ERC1: variants seen among roughly 807,000 people sequenced by gnomAD.
ERC1 encodes ELKS/RAB6-interacting/CAST family member 1, also known as RAB6 interacting protein 2.
Under a neutral mutation model 132.0 loss-of-function variants are expected in ERC1, and 56 were observed. The observed-to-expected ratio is 0.42, with a 90% CI of 0.34 to 0.53. The LOEUF is 0.53. ERC1 is among the 20% of genes least tolerant of loss of function. ERC1 has a pLI of 0.03. For missense variants in ERC1, 1,202 were observed against 1,349.9 expected (o/e 0.89, Z 1.72); for synonymous variants, 478 against 476.1 (o/e 1.00, Z -0.05).
chr12:1,046,139 A>T (rs1255025316), intron 2 of ERC1, among the ~76,000 whole-genome samples: 1 of 152,214 alleles, frequency 6.6e-6, no homozygotes, highest in East Asian at 1.9e-4. Flanking sequence ...TTAAAAAGTG[A>T]TACATGACTA....
chr12:1,253,871 C>T (rs992060681), intron 13 of ERC1, among the ~76,000 whole-genome samples: 1 of 152,110 alleles, frequency 6.6e-6, no homozygotes, highest in Non-Finnish European at 1.5e-5. Flanking sequence ...CCAACTTCTG[C>T]CCTAGTCTCT....
At chr12:1,319,277 C>A (rs1442416027) in intron 15 of ERC1, among the ~76,000 whole-genome samples, 5 of 152,076 alleles carry the variant, frequency 3.3e-5, no homozygotes. Context: ...TTTAATTCAT[C>A]CCTTATTATA....
At chr12:1,488,074 G>C (rs978033367) in intron 18 of ERC1, among the ~76,000 whole-genome samples, 7 of 150,980 alleles carry the variant, frequency 4.6e-5, no homozygotes, top group African/African-American at 1.5e-4. Context: ...GGAGGCGGAG[G>C]TTGCAGTGAG....
chr12:1,340,288 G>A (rs1195257730), intron 15 of ERC1, among the ~76,000 whole-genome samples: 2 of 152,132 alleles, frequency 1.3e-5, no homozygotes, highest in Non-Finnish European at 2.9e-5. Context: ...AGGTCTTGCA[G>A]AGGTTAGGTC....
intron 3 of ERC1, among the ~76,000 whole-genome samples, chr12:1,099,172 G>A (rs1944385843): frequency 2.6e-5 from 4 of 152,108 alleles, no homozygotes; most frequent in Admixed American, 2.6e-4. Flanking sequence ...GAGGTAAAGG[G>A]AATCTTGTAT....
At chr12:1,402,271 C>T (rs966342662) in intron 16 of ERC1, among the ~76,000 whole-genome samples, 1 of 151,998 alleles carries the variant, frequency 6.6e-6, no homozygotes, top group South Asian at 2.1e-4. Flanking sequence ...TGGCTCACGC[C>T]GTAATCCCAG....
chr12:1,359,862 G>T (rs1023533651), intron 15 of ERC1, among the ~76,000 whole-genome samples: 1 of 152,044 alleles, frequency 6.6e-6, no homozygotes. Context: ...AAAGAGTTAC[G>T]TCATCTTTAG....
intron 13 of ERC1, among the ~76,000 whole-genome samples, chr12:1,259,442 A>T (rs1260928052): frequency 6.8e-6 from 1 of 146,506 alleles, no homozygotes; most frequent in Non-Finnish European, 1.5e-5. Flanking sequence ...GTATATTATG[A>T]TTTACATTTT....
At chr12:1,001,082 A>G (rs1565750550) in intron 1 of ERC1, among the ~76,000 whole-genome samples, 1 of 152,152 alleles carries the variant, frequency 6.6e-6, no homozygotes, top group East Asian at 1.9e-4. Flanking sequence ...TTTTGTTTTT[A>G]GTAGAGATGG....
Position 1,492,416 on chromosome 12 carries a change from C to T in ERC1, c.*2186C>T, listed in dbSNP as rs1230293543. 1 of 233,136 alleles carries T rather than the reference C, an allele frequency of 4.3e-6. No homozygotes were observed. Among genetic ancestry groups the T allele is most frequent in the Non-Finnish European group, 8.5e-6 (1 of 118,042 alleles). The allele number at this position is 233,136 out of a possible 1,614,324, so 14.4% of individuals were successfully genotyped here. A position where few individuals can be genotyped will look rare whatever the true frequency, so the allele number is the denominator to read the frequency against. On this transcript the variant is annotated 3_prime_UTR_variant, in exon 19 of 19. Coordinates refer to ENST00000360905, the MANE Select transcript of ERC1 (RefSeq NM_178040.4). Reference sequence around the variant, plus strand: ...TCACGGGGCCACGGTGGAACCAAGACAGCAGGCGAGGCCATGCCTAAACAA... The same window carrying T: ...TCACGGGGCCACGGTGGAACCAAGATAGCAGGCGAGGCCATGCCTAAACAA...
chr12:1,000,950 G>C (rs963730168), intron 1 of ERC1, among the ~76,000 whole-genome samples: 2 of 151,838 alleles, frequency 1.3e-5, no homozygotes, highest in South Asian at 2.1e-4. Context: ...ATGGAGTTTT[G>C]CCCAGACTGG....
At chr12:1,035,887 A>G (rs1444861735) in intron 2 of ERC1, among the ~76,000 whole-genome samples, 1 of 151,550 alleles carries the variant, frequency 6.6e-6, no homozygotes. Flanking sequence ...GCACCACTGC[A>G]CTCCAGCCTG....
chr12:1,265,746 G>A (rs989349847), intron 14 of ERC1, among the ~76,000 whole-genome samples: 3 of 152,100 alleles, frequency 2.0e-5, no homozygotes, highest in South Asian at 2.1e-4. Context: ...TCCCCAGTCC[G>A]TGATCTTTTT....
In ERC1 at chr12:1,241,898, C is replaced by A. The variant is rs2075830638; in HGVS notation, c.2487+4994C>A. On this transcript the variant is annotated intron_variant, in intron 13 of 18. Transcript: ENST00000360905. ...TTGTGATGGAGTCTCTTGCCCTGTC[C>A]CCAAGGCTGGAGTGCAGTGGTGTGA... is the stretch of plus-strand genomic sequence containing the variant. 1.5e-5 allele frequency among the ~76,000 whole-genome samples: 2 copies of A among 133,056 alleles called. 1 individual carries two copies. Among genetic ancestry groups the A allele is most frequent in the South Asian group, 5.0e-4 (2 of 4,036 alleles). The allele number at this position is 133,056 out of a possible 152,430, so 87.3% of individuals were successfully genotyped here.
At position 1,490,822 on chromosome 12, in the gene ERC1, G is replaced by A. The variant is rs1004254511; in HGVS notation, c.*592G>A. 1 of 233,338 alleles carries A rather than the reference G, an allele frequency of 4.3e-6. No individual in the cohort carries two copies. The highest frequency in any genetic ancestry group is 8.5e-6 in the Non-Finnish European group (1 of 118,226). 14.5% of individuals were successfully genotyped at this position (233,338 alleles called of 1,614,324 possible). On this transcript the variant is annotated 3_prime_UTR_variant, in exon 19 of 19. Transcript: ENST00000360905. ...GCTTTGTACCGGGGAGCTGTGAGCA[G>A]GCCTCACGATGGCTTGGGAGCACTC...
chr12:1,316,520 CTG>C (rs1400605030), intron 15 of ERC1, among the ~76,000 whole-genome samples: 1 of 152,076 alleles, frequency 6.6e-6, no homozygotes, highest in Admixed American at 6.5e-5. Context: ...AAAAATATCT[CTG>C]TGAAATAAAG....
chr12:1,268,761 A>G (rs967706990), intron 14 of ERC1, among the ~76,000 whole-genome samples: 2 of 152,152 alleles, frequency 1.3e-5, no homozygotes, highest in Admixed American at 6.5e-5. Flanking sequence ...GCGAGACTCC[A>G]TATAAAAAAG....
intron 13 of ERC1, among the ~76,000 whole-genome samples, chr12:1,252,356 A>G (rs1261058580): frequency 3.9e-5 from 6 of 152,064 alleles, no homozygotes; most frequent in Non-Finnish European, 8.8e-5. Flanking sequence ...TATTTTTGGG[A>G]TTTTTTGGTA....
At chr12:1,358,420 T>A (rs962861098) in intron 15 of ERC1, among the ~76,000 whole-genome samples, 2 of 152,114 alleles carry the variant, frequency 1.3e-5, no homozygotes, top group African/African-American at 4.8e-5. Flanking sequence ...TATATACTTA[T>A]TGGATTAGGA....
Sources: allele counts gnomAD v4.1 joint callset (sites outside exome capture counted in the v4.1 genomes callset), GRCh38; gene constraint gnomAD v4.1.1; transcripts MANE v1.5; gene names NCBI Gene and HGNC (gene_info 2026-07-23, HGNC 2026-07-21).